Variants in KCNAB1 observed in about 807,000 individuals in gnomAD.
KCNAB1 encodes voltage-gated potassium channel subunit beta-1.
A neutral mutation model predicts 64.6 loss-of-function variants in KCNAB1; 35 were observed. The ratio of observed to expected loss-of-function variants is 0.54; its 90% CI spans 0.41 to 0.72. KCNAB1 has a LOEUF of 0.72. KCNAB1 is among the 30% of genes least tolerant of loss of function. KCNAB1 has a pLI of 0.00. For missense variants in KCNAB1, 401 were observed against 512.9 expected (o/e 0.78, Z 2.11); for synonymous variants, 177 against 183.8 (o/e 0.96, Z 0.30).
At position 156,479,175 on chromosome 3, in the gene KCNAB1, C is replaced by T. The variant is rs181158734; in HGVS notation, c.658+4355C>T. Among the ~76,000 whole-genome samples the T allele has an allele frequency of 1.3e-3, 200 of 152,278 alleles. 1 individual carries two copies. The highest frequency in any genetic ancestry group is 2.9e-3 in the South Asian group (14 of 4,824). On this transcript the variant is annotated intron_variant, in intron 8 of 13. Coordinates refer to ENST00000490337, the MANE Select transcript of KCNAB1 (RefSeq NM_172160.3). ...TTTCCAGTCCTAGAAAAAAATCAGC[C>T]CCACATCCCATTTCCTCCTTCTTAT...
intron 1 of KCNAB1, among the ~76,000 whole-genome samples, chr3:156,365,128 G>T (rs917895249): frequency 6.6e-6 from 1 of 152,160 alleles, no homozygotes; most frequent in Non-Finnish European, 1.5e-5. Flanking sequence ...ACAGAACAGG[G>T]CTTAAGAGTT....
chr3:156,341,271 C>T (rs1286962006), intron 1 of KCNAB1, among the ~76,000 whole-genome samples: 1 of 152,266 alleles, frequency 6.6e-6, no homozygotes, highest in East Asian at 1.9e-4. Context: ...CATTGACCCT[C>T]AAATGAGAGC....
rs559902505 is a variant in KCNAB1 at position 156,486,064 on chromosome 3, G to A, written c.658+11244G>A. 1.1e-4 allele frequency among the ~76,000 whole-genome samples: 16 copies of A among 152,176 alleles called. No individual in the cohort carries two copies. The South Asian group carries it at 3.3e-3, about 32-fold the overall frequency. On this transcript the variant is annotated intron_variant, in intron 8 of 13. Transcript: ENST00000490337. The stretch of plus-strand genomic sequence containing the variant: ...GATGTCTGCCAGGTTTCTCCCCTGT[G>A]ACAGTACCTCTTTAACTTTATAACT...
chr3:156,319,356 T>A (rs114976231), intron 1 of KCNAB1, among the ~76,000 whole-genome samples: 2,153 of 152,312 alleles, frequency 0.014, 21 homozygotes, highest in South Asian at 0.031. Context: ...CTCTGCATTG[T>A]CCTTACCCTG....
At chr3:156,383,866 G>T (rs976013535) in intron 1 of KCNAB1, among the ~76,000 whole-genome samples, 1 of 152,128 alleles carries the variant, frequency 6.6e-6, no homozygotes, top group Non-Finnish European at 1.5e-5. Flanking sequence ...TTTGAGCCTC[G>T]CAGCTCTGCC....
intron 1 of KCNAB1, among the ~76,000 whole-genome samples, chr3:156,186,966 C>T (rs1713242063): frequency 6.6e-6 from 1 of 151,988 alleles, no homozygotes; most frequent in Admixed American, 6.5e-5. Context: ...ATCCTCCCAC[C>T]TCAGCCTCCC....
chr3:156,196,868 C>G (rs1388820885), intron 1 of KCNAB1, among the ~76,000 whole-genome samples: 1 of 152,208 alleles, frequency 6.6e-6, no homozygotes, highest in Non-Finnish European at 1.5e-5. Context: ...GAGGGCATCC[C>G]TGACTTGTGC....
At chr3:156,354,085 GTATATATATAATATA>G in intron 1 of KCNAB1, among the ~76,000 whole-genome samples, 2 of 142,250 alleles carry the variant, frequency 1.4e-5, no homozygotes, top group African/African-American at 5.2e-5. Context: ...ATATATGTGT[GTATATATATAATATA>G]TGTATATATA....
intron 1 of KCNAB1, among the ~76,000 whole-genome samples, chr3:156,411,106 T>G (rs1043811477): frequency 6.6e-6 from 1 of 152,202 alleles, no homozygotes; most frequent in African/African-American, 2.4e-5. Flanking sequence ...TTGCCAGTAC[T>G]TAGTATGTTT....
At chr3:156,526,482 T>C (rs1233182028) in intron 12 of KCNAB1, among the ~76,000 whole-genome samples, 6 of 152,220 alleles carry the variant, frequency 3.9e-5, no homozygotes, top group Non-Finnish European at 5.9e-5. Context: ...TTTTACTTTG[T>C]TTTCTACAAA....
chr3:156,212,231 C>G (rs1025901154), intron 1 of KCNAB1, among the ~76,000 whole-genome samples: 36 of 152,100 alleles, frequency 2.4e-4, no homozygotes, highest in Admixed American at 2.0e-3. Flanking sequence ...CATTCTTCAC[C>G]TGGAACACTC....
At chr3:156,291,640 T>C in intron 1 of KCNAB1, 1 of 1,349,478 alleles carries the variant, frequency 7.4e-7, no homozygotes, top group Non-Finnish European at 9.6e-7. Flanking sequence ...TTTGCAAACC[T>C]GATTCTCCCT....
At chr3:156,386,170 CAGAAA>C (rs1426209986) in intron 1 of KCNAB1, among the ~76,000 whole-genome samples, 1 of 152,144 alleles carries the variant, frequency 6.6e-6, no homozygotes, top group Non-Finnish European at 1.5e-5. Context: ...GGCTTTAGAA[CAGAAA>C]AGAAAAGATA....
intron 2 of KCNAB1, among the ~76,000 whole-genome samples, chr3:156,448,656 G>A (rs1207724087): frequency 6.6e-6 from 1 of 152,090 alleles, no homozygotes; most frequent in East Asian, 1.9e-4. Context: ...CCCAGGGATA[G>A]GGAGAAACAT....
At chr3:156,154,742 C>G (rs1173875083) in intron 1 of KCNAB1, among the ~76,000 whole-genome samples, 1 of 152,126 alleles carries the variant, frequency 6.6e-6, no homozygotes, top group Non-Finnish European at 1.5e-5. Flanking sequence ...TTGGCAAGAC[C>G]CTGGCCCATT....
chr3:156,145,138 A>C (rs1714965028), intron 1 of KCNAB1, among the ~76,000 whole-genome samples: 1 of 152,150 alleles, frequency 6.6e-6, no homozygotes, highest in African/African-American at 2.4e-5. Flanking sequence ...GAGATGCCAG[A>C]TACTGCCTTG....
chr3:156,443,937 C>T lies in KCNAB1; in HGVS notation c.320-8962C>T, dbSNP rs1458350012. 2.0e-5 allele frequency among the ~76,000 whole-genome samples: 3 copies of T among 152,242 alleles called. No individual in the cohort carries two copies. In the South Asian group the frequency reaches 6.2e-4, roughly 32 times the overall value. On this transcript the variant is annotated intron_variant, in intron 2 of 13. Coordinates refer to ENST00000490337, the MANE Select transcript of KCNAB1 (RefSeq NM_172160.3). ...GGTGTGAAAGCATCCCACCCCTCAG[C>T]CCCCTTGAGGACCTGGGTGGCATTA...
intron 1 of KCNAB1, among the ~76,000 whole-genome samples, chr3:156,297,589 G>C (rs1314336245): frequency 6.6e-6 from 1 of 152,100 alleles, no homozygotes; most frequent in African/African-American, 2.4e-5. Context: ...AAAAGACTCA[G>C]ACCAGATACC....
At chr3:156,121,941 G>A (rs1713368604) in intron 1 of KCNAB1, among the ~76,000 whole-genome samples, 1 of 151,982 alleles carries the variant, frequency 6.6e-6, no homozygotes, top group Non-Finnish European at 1.5e-5. Flanking sequence ...CTAAAAACTT[G>A]TACCGTACAC....
Sources: gnomAD v4.1 joint callset for allele counts (sites outside exome capture counted in the v4.1 genomes callset) on GRCh38, gnomAD v4.1.1 for gene constraint, MANE v1.5 for transcripts, NCBI Gene and HGNC (gene_info 2026-07-23, HGNC 2026-07-21) for gene names.